Variants in OSTF1 observed in about 807,000 individuals in gnomAD.
OSTF1 encodes the protein osteoclast stimulating factor 1, also known as osteoclast-stimulating factor 1.
In OSTF1, 27 loss-of-function variants were observed where a neutral mutation model predicts 37.2. That is an observed-to-expected ratio of 0.73 (90% CI 0.54 to 1.00). The LOEUF is 1.00. Ranked by LOEUF, OSTF1 falls within the 50% of genes least tolerant of loss-of-function variation. The probability of loss-of-function intolerance (pLI) is 0.00; values close to 1 mark genes in which losing one functional copy is unlikely to be tolerated. For synonymous variants in OSTF1, 82 were observed against 89.2 expected (o/e 0.92, Z 0.46); for missense variants, 232 against 253.8 (o/e 0.91, Z 0.58).
At chr9:75,121,559 G>GGGTAGCATCTGGTACAGCA (rs1167813007) in intron 2 of OSTF1, among the ~76,000 whole-genome samples, 1 of 152,162 alleles carries the variant, frequency 6.6e-6, no homozygotes, top group Non-Finnish European at 1.5e-5. Context: ...GGTATGAAGG[G>GGGTAGCATCTGGTACAGCA]GGTAGCATCT....
chr9:75,116,943 C>T (rs537714326), intron 1 of OSTF1, among the ~76,000 whole-genome samples: 1 of 152,022 alleles, frequency 6.6e-6, no homozygotes, highest in African/African-American at 2.4e-5. Context: ...ATACCATTCT[C>T]CCACAGGCTT....
At chr9:75,112,975 GCTC>G (rs2118494492) in intron 1 of OSTF1, among the ~76,000 whole-genome samples, 1 of 152,156 alleles carries the variant, frequency 6.6e-6, no homozygotes, top group East Asian at 1.9e-4. Flanking sequence ...TCTCCTGGCA[GCTC>G]CTCCTTCCGC....
At chr9:75,101,142 A>T (rs1169231125) in intron 1 of OSTF1, among the ~76,000 whole-genome samples, 1 of 152,048 alleles carries the variant, frequency 6.6e-6, no homozygotes, top group Non-Finnish European at 1.5e-5. Context: ...CTTCCCGTAA[A>T]CAATCTCGAC....
chr9:75,129,543 A>G (rs1336386809), intron 3 of OSTF1, among the ~76,000 whole-genome samples: 1 of 152,226 alleles, frequency 6.6e-6, no homozygotes, highest in African/African-American at 2.4e-5. Context: ...GGAAGAAATC[A>G]ATACTGCCTA....
intron 8 of OSTF1, 125 bp downstream of exon 8, chr9:75,137,741 C>T (rs1825866251): frequency 1.5e-6 from 1 of 657,556 alleles, no homozygotes; most frequent in Non-Finnish European, 2.7e-6. Flanking sequence ...AACCTTTGCT[C>T]TGCCTGTGTA....
chr9:75,117,395 G>T, intron 1 of OSTF1, 109 bp from the exon 2 acceptor site: 1 of 722,610 alleles, frequency 1.4e-6, no homozygotes, highest in South Asian at 1.8e-5. Context: ...TGTTCTACTT[G>T]ATCACATGGG....
chr9:75,115,649 T>C (rs1184741408), intron 1 of OSTF1, among the ~76,000 whole-genome samples: 1 of 150,596 alleles, frequency 6.6e-6, no homozygotes, highest in Non-Finnish European at 1.5e-5. Context: ...TTTTTTGTTT[T>C]TTTTTTGTTT....
At chr9:75,094,244 C>T (rs532136570) in intron 1 of OSTF1, among the ~76,000 whole-genome samples, 10 of 152,162 alleles carry the variant, frequency 6.6e-5, no homozygotes, top group East Asian at 1.9e-4. Flanking sequence ...TCAATGGATC[C>T]GTATTAGAGC....
chr9:75,109,200 A>G (rs369246558), intron 1 of OSTF1, among the ~76,000 whole-genome samples: 68 of 151,968 alleles, frequency 4.5e-4, no homozygotes, highest in African/African-American at 1.6e-3. Context: ...TTTAGTAGAG[A>G]TGAGGTTTCA....
At chr9:75,114,278 G>A (rs1825443027) in intron 1 of OSTF1, among the ~76,000 whole-genome samples, 2 of 152,272 alleles carry the variant, frequency 1.3e-5, no homozygotes, top group Non-Finnish European at 2.9e-5. Context: ...TAAGATGACT[G>A]TGTCTTGTGG....
At chr9:75,103,906 A>G (rs2118436449) in intron 1 of OSTF1, among the ~76,000 whole-genome samples, 1 of 152,316 alleles carries the variant, frequency 6.6e-6, no homozygotes, top group South Asian at 2.1e-4. Flanking sequence ...AAATGCTGAG[A>G]TTACAGGTGT....
intron 7 of OSTF1, among the ~76,000 whole-genome samples, chr9:75,136,081 C>T (rs1261492704): frequency 6.6e-6 from 1 of 152,204 alleles, no homozygotes; most frequent in Admixed American, 6.5e-5. Context: ...CTGTTACATT[C>T]ACTGCTTTCA....
chr9:75,143,454 G>A (rs1273768916), intron 9 of OSTF1, among the ~76,000 whole-genome samples: 1 of 152,060 alleles, frequency 6.6e-6, no homozygotes, highest in Non-Finnish European at 1.5e-5. Context: ...TGAAGCTAGA[G>A]AACAGTTCCC....
intron 1 of OSTF1, among the ~76,000 whole-genome samples, chr9:75,110,022 C>T (rs1478574034): frequency 6.6e-6 from 1 of 152,152 alleles, no homozygotes; most frequent in African/African-American, 2.4e-5. Flanking sequence ...CATCCCTCAC[C>T]AGATACAGCA....
intron 1 of OSTF1, among the ~76,000 whole-genome samples, chr9:75,115,214 T>C (rs1825461050): frequency 6.6e-6 from 1 of 152,196 alleles, no homozygotes; most frequent in Non-Finnish European, 1.5e-5. Context: ...TGTTCTGCAT[T>C]ATTTTCTTGT....
At chr9:75,141,188 C>A (rs1047478330) in intron 9 of OSTF1, among the ~76,000 whole-genome samples, 2 of 151,892 alleles carry the variant, frequency 1.3e-5, no homozygotes, top group Admixed American at 6.6e-5. Context: ...GTAGTCCCAG[C>A]TACTCAGGAG....
At chr9:75,103,835 G>C (rs368743508) in intron 1 of OSTF1, among the ~76,000 whole-genome samples, 2 of 152,154 alleles carry the variant, frequency 1.3e-5, no homozygotes, top group South Asian at 4.1e-4. Flanking sequence ...AGGTCTTGTT[G>C]TGTTGCCCAG....
intron 1 of OSTF1, among the ~76,000 whole-genome samples, chr9:75,115,923 G>A (rs1216122547): frequency 6.6e-6 from 1 of 151,928 alleles, no homozygotes; most frequent in African/African-American, 2.4e-5. Flanking sequence ...GGCCAACATG[G>A]CGAAACCCCA....
intron 9 of OSTF1, among the ~76,000 whole-genome samples, chr9:75,143,249 A>C (rs6560424): frequency 1.3e-5 from 2 of 152,120 alleles, no homozygotes; most frequent in East Asian, 3.9e-4. Flanking sequence ...TTTTTTAATA[A>C]GTACAAAAAT....
Sources: allele counts gnomAD v4.1 joint callset (sites outside exome capture counted in the v4.1 genomes callset), GRCh38; gene constraint gnomAD v4.1.1; transcripts MANE v1.5; gene names NCBI Gene and HGNC (gene_info 2026-07-23, HGNC 2026-07-21).